Variants in PPM1E observed in about 807,000 individuals in gnomAD.
The protein encoded by PPM1E is protein phosphatase, Mg2+/Mn2+ dependent 1E, also known as protein phosphatase 1E.
PPM1E carries 20 observed loss-of-function variants against 65.9 expected under a neutral mutation model. The observed-to-expected ratio is 0.30, with a 90% CI of 0.21 to 0.44. PPM1E has a LOEUF of 0.44. PPM1E is among the 20% of genes least tolerant of loss of function. The pLI is 1.00. For synonymous variants in PPM1E, 352 were observed against 374.9 expected (o/e 0.94, Z 0.70); for missense variants, 713 against 953.1 (o/e 0.75, Z 3.32).
At chr17:58,958,297 A>T (rs1211668355) in intron 2 of PPM1E, among the ~76,000 whole-genome samples, 2 of 151,458 alleles carry the variant, frequency 1.3e-5, no homozygotes, top group Admixed American at 6.6e-5. Flanking sequence ...TGAAGCCTCT[A>T]CCTCCTAGGC....
intron 1 of PPM1E, among the ~76,000 whole-genome samples, chr17:58,927,228 G>A (rs965859428): frequency 3.0e-4 from 45 of 147,554 alleles, no homozygotes; most frequent in African/African-American, 1.0e-3. Flanking sequence ...CTGGGTTCAC[G>A]CCATTCTCCT....
chr17:58,929,949 G>A (rs943204096), intron 1 of PPM1E, among the ~76,000 whole-genome samples: 4 of 152,010 alleles, frequency 2.6e-5, no homozygotes, highest in African/African-American at 7.2e-5. Context: ...TTGGAAGGTC[G>A]TAAAAATGAG....
At chr17:58,778,927 C>CATACATATATAT (rs964133373) in intron 1 of PPM1E, among the ~76,000 whole-genome samples, 2 of 103,710 alleles carry the variant, frequency 1.9e-5, no homozygotes, top group African/African-American at 3.5e-5. Flanking sequence ...ATGATACATA[C>CATACATATATAT]ATATATATAT....
At position 58,756,363 on chromosome 17, in the gene PPM1E, G is replaced by A; in HGVS notation, c.366G>A (p.Pro122=). The A allele has an allele frequency of 7.3e-7, 1 of 1,376,992 alleles. No homozygotes were observed. The highest frequency in any genetic ancestry group is 9.4e-7 in the Non-Finnish European group (1 of 1,067,878). 85.3% of individuals were successfully genotyped at this position (1,376,992 alleles called of 1,614,324 possible). A position where few individuals can be genotyped will look rare whatever the true frequency, so the allele number is the denominator to read the frequency against. Residue 122 remains proline (P), a synonymous_variant, in exon 1 of 7, where the codon CCG becomes CCA. Coordinates refer to ENST00000308249, the MANE Select transcript of PPM1E (RefSeq NM_014906.5). ...SAVPPPPPQL[P]PLPPLPRPLS... Reference sequence around the variant, plus strand: ...TGCCGCCGCCGCCGCCCCAGCTGCCGCCTTTGCCCCCGCTCCCGCGACCGC... The same window carrying A: ...TGCCGCCGCCGCCGCCCCAGCTGCCACCTTTGCCCCCGCTCCCGCGACCGC...
At chr17:58,938,124 T>G (rs1483584007) in intron 1 of PPM1E, among the ~76,000 whole-genome samples, 1 of 152,198 alleles carries the variant, frequency 6.6e-6, no homozygotes, top group Non-Finnish European at 1.5e-5. Context: ...GGATCTGAAG[T>G]GTGTTTACAC....
chr17:58,861,863 AG>A (rs1176921103), intron 1 of PPM1E, among the ~76,000 whole-genome samples: 3 of 152,152 alleles, frequency 2.0e-5, no homozygotes, highest in African/African-American at 7.2e-5. Flanking sequence ...CAGGAGGTTG[AG>A]GCTGTAGTGA....
At chr17:58,831,885 G>A (rs1266275942) in intron 1 of PPM1E, among the ~76,000 whole-genome samples, 1 of 152,156 alleles carries the variant, frequency 6.6e-6, no homozygotes, top group Non-Finnish European at 1.5e-5. Context: ...ATAAATACAT[G>A]TGTGCAGTCT....
In PPM1E at chr17:58,981,288, C is replaced by G. The variant is rs1160399164; in HGVS notation, c.*257C>G. The G allele has an allele frequency of 2.5e-6, 1 of 397,888 alleles. No homozygotes were observed. Among genetic ancestry groups the G allele is most frequent in the Non-Finnish European group, 4.5e-6 (1 of 224,710 alleles). The allele number at this position is 397,888 out of a possible 1,614,324, so 24.6% of individuals were successfully genotyped here. ...CGACACCAATACACAACCCCCTTCCCACCATCCTTCATGTCACTAGATACA... is the reference window on the plus strand; with the variant it reads ...CGACACCAATACACAACCCCCTTCCGACCATCCTTCATGTCACTAGATACA... On this transcript the variant is annotated 3_prime_UTR_variant, in exon 7 of 7. Transcript: ENST00000308249.
At chr17:58,871,531 T>A (rs1440026074) in intron 1 of PPM1E, among the ~76,000 whole-genome samples, 3 of 152,100 alleles carry the variant, frequency 2.0e-5, no homozygotes, top group Non-Finnish European at 4.4e-5. Context: ...GAAGAAACTT[T>A]AGGCCAGGCA....
At chr17:58,915,116 A>G (rs2051669880) in intron 1 of PPM1E, among the ~76,000 whole-genome samples, 2 of 152,214 alleles carry the variant, frequency 1.3e-5, no homozygotes, top group South Asian at 2.1e-4. Context: ...ATTCAGGGCA[A>G]GTCCACAGTG....
chr17:58,882,591 A>G (rs185153112), intron 1 of PPM1E, among the ~76,000 whole-genome samples: 4,450 of 152,112 alleles, frequency 0.029, 107 homozygotes, highest in African/African-American at 0.062. Flanking sequence ...GGGTTTCACC[A>G]TGTTGGCCAG....
chr17:58,772,019 CA>C (rs891618353), intron 1 of PPM1E, among the ~76,000 whole-genome samples: 63 of 152,098 alleles, frequency 4.1e-4, no homozygotes, highest in African/African-American at 1.4e-3. Flanking sequence ...CTCTATTTTT[CA>C]GATAAGGAAA....
At chr17:58,787,395 CT>C (rs150912736) in intron 1 of PPM1E, among the ~76,000 whole-genome samples, 25 of 146,832 alleles carry the variant, frequency 1.7e-4, no homozygotes, top group South Asian at 2.2e-4. Context: ...TTCTTTTCTT[CT>C]TTTTTTTTTA....
chr17:58,925,566 G>A (rs919962664), intron 1 of PPM1E, among the ~76,000 whole-genome samples: 2 of 151,568 alleles, frequency 1.3e-5, no homozygotes, highest in Admixed American at 6.6e-5. Flanking sequence ...TCAGCCTCCC[G>A]AGTAGCTGGG....
intron 1 of PPM1E, among the ~76,000 whole-genome samples, chr17:58,830,177 T>C (rs2050585848): frequency 1.3e-5 from 2 of 151,978 alleles, no homozygotes; most frequent in South Asian, 4.1e-4. Flanking sequence ...ACTGTCTCTC[T>C]AAAAAAACAA....
rs186259256 is a variant in PPM1E, at chr17:58,916,459, C to T, written c.465-39190C>T. 5.9e-5 allele frequency among the ~76,000 whole-genome samples: 9 copies of T among 152,218 alleles called. No individual in the cohort carries two copies. The East Asian group carries it at 1.7e-3, about 29-fold the overall frequency. ...TATAGCTTAAGGATGAGCTTGCTGT[C>T]ATTTAAAAAAAGAAAGTATAGCCCC... is the stretch of plus-strand genomic sequence containing the variant. On this transcript the variant is annotated intron_variant, in intron 1 of 6. Transcript: ENST00000308249.
At chr17:58,846,955 T>C (rs146171043) in intron 1 of PPM1E, among the ~76,000 whole-genome samples, 96,511 of 151,720 alleles carry the variant, frequency 0.64, 31,070 homozygotes, top group African/African-American at 0.71. Flanking sequence ...TTTTAATGAT[T>C]GCCATTCTAA....
rs2031295638 is a variant in PPM1E at position 58,980,579 on chromosome 17, T to C, written c.1816T>C (p.Leu606=). 2 of 1,614,068 alleles carry C rather than the reference T, an allele frequency of 1.2e-6. No individual in the cohort carries two copies. Among genetic ancestry groups the C allele is most frequent in the Non-Finnish European group, 8.5e-7 (1 of 1,180,010 alleles). ...AAAGAAAGCAAATCTTATTAATGAG[T>C]TAATGATGGAGAAAAAATCAGTTCA... ...APKKANLINE[L]MMEKKSVQSS... The change falls in exon 7 of 7, where the codon TTA becomes CTA. Residue 606 remains leucine, a synonymous_variant. Transcript: ENST00000308249. This position sits in a 1 kb window ranked among gnomAD's most constrained non-coding sequence, Gnocchi z 4.7.
intron 1 of PPM1E, among the ~76,000 whole-genome samples, chr17:58,778,051 T>A (rs1445045222): frequency 1.3e-5 from 2 of 152,140 alleles, no homozygotes; most frequent in East Asian, 3.9e-4. Flanking sequence ...CATCTCAGCC[T>A]CCTGAGTAGC....
Sources: allele counts gnomAD v4.1 joint callset (sites outside exome capture counted in the v4.1 genomes callset), GRCh38; gene constraint gnomAD v4.1.1; non-coding constraint Gnocchi (gnomAD v3.1); transcripts MANE v1.5; gene names NCBI Gene and HGNC (gene_info 2026-07-23, HGNC 2026-07-21).